The following CLASP2 variants were observed in gnomAD, a reference collection of about 807,000 sequenced individuals.
The protein encoded by CLASP2 is CLIP-associating protein 2.
A neutral mutation model predicts 194.4 loss-of-function variants in CLASP2; 47 were observed. The ratio of observed to expected loss-of-function variants is 0.24; its 90% CI spans 0.19 to 0.31. The LOEUF is 0.31. Ranked by LOEUF, CLASP2 falls within the 10% of genes least tolerant of loss-of-function variation. The probability of loss-of-function intolerance (pLI) is 1.00; values close to 1 mark genes in which losing one functional copy is unlikely to be tolerated. For missense variants in CLASP2, 1,445 were observed against 1,823.6 expected, an observed-to-expected ratio of 0.79 and a Z score of 3.78; for synonymous variants, 619 against 633.5, an observed-to-expected ratio of 0.98 and a Z score of 0.34.
Position 33,640,105 on chromosome 3 carries a change from A to C in CLASP2, c.862+4652T>G, listed in dbSNP as rs1313407979. On this transcript the variant is annotated intron_variant, in intron 8 of 38. Coordinates refer to ENST00000682230, the MANE Select transcript of CLASP2 (RefSeq NM_001365631.1). ...AAGGGAAGAAGAGAGGAAGAAACCAAAACCAAAACACAGAAGTGTTACTTG... is the reference window on the plus strand; with the variant it reads ...AAGGGAAGAAGAGAGGAAGAAACCACAACCAAAACACAGAAGTGTTACTTG... Among the ~76,000 whole-genome samples the C allele has an allele frequency of 2.6e-5, 4 of 152,210 alleles. No individual in the cohort carries two copies. In the East Asian group the frequency reaches 7.7e-4, roughly 29 times the overall value.
chr3:33,519,373 G>C (rs190353294), intron 34 of CLASP2, among the ~76,000 whole-genome samples: 48 of 152,218 alleles, frequency 3.2e-4, no homozygotes, highest in African/African-American at 9.9e-4. Flanking sequence ...AATGTGGGCA[G>C]AAACACTGGG....
At chr3:33,521,035 C>A (rs962789962) in intron 34 of CLASP2, among the ~76,000 whole-genome samples, 1 of 151,954 alleles carries the variant, frequency 6.6e-6, no homozygotes, top group African/African-American at 2.4e-5. Flanking sequence ...TACAACAGTA[C>A]CAGAATGCAA....
intron 8 of CLASP2, among the ~76,000 whole-genome samples, chr3:33,633,011 G>C (rs2079388650): frequency 6.6e-6 from 1 of 151,978 alleles, no homozygotes; most frequent in Non-Finnish European, 1.5e-5. Flanking sequence ...TTAAACTCTG[G>C]CAATAGGGGG....
At chr3:33,654,987 G>A (rs924427132) in intron 7 of CLASP2, among the ~76,000 whole-genome samples, 17 of 151,852 alleles carry the variant, frequency 1.1e-4, no homozygotes, top group African/African-American at 3.9e-4. Flanking sequence ...ATGAAGTAAC[G>A]GGACAATCAC....
rs531793791 is a variant in CLASP2 at position 33,616,039 on chromosome 3, G to GA, written c.1317+3563dup. ...AGAAAAATAAAATGAGCTAAAAGTT[G>GA]AAAAAAAAATAGAAACTAAAGAATT... On this transcript the variant is annotated intron_variant, in intron 12 of 38. Transcript: ENST00000682230. Among the ~76,000 whole-genome samples, 22 of 146,634 alleles carry GA rather than the reference G, an allele frequency of 1.5e-4. No individual in the cohort carries two copies. In the South Asian group the frequency reaches 1.7e-3, roughly 11 times the overall value.
chr3:33,553,480 A>G (rs991145311), intron 29 of CLASP2, among the ~76,000 whole-genome samples: 4 of 152,234 alleles, frequency 2.6e-5, no homozygotes, highest in South Asian at 2.1e-4. Context: ...TTCAAAATAT[A>G]TAAGAAACTC....
chr3:33,554,225 C>CAAAA (rs58168943), intron 29 of CLASP2, among the ~76,000 whole-genome samples: 3 of 88,908 alleles, frequency 3.4e-5, no homozygotes, highest in African/African-American at 4.6e-5. Flanking sequence ...GAAACTGTCT[C>CAAAA]AAAAAAAAAA....
chr3:33,688,083 C>A (rs1157754229), intron 4 of CLASP2, among the ~76,000 whole-genome samples, 194 bp downstream of exon 4: 1 of 152,118 alleles, frequency 6.6e-6, no homozygotes, highest in Non-Finnish European at 1.5e-5. Context: ...ACACTTATTA[C>A]TGACATAACT....
intron 7 of CLASP2, among the ~76,000 whole-genome samples, chr3:33,661,526 A>G (rs1282336278): frequency 2.6e-5 from 4 of 152,220 alleles, no homozygotes; most frequent in African/African-American, 9.6e-5. Flanking sequence ...GATCAGTTAG[A>G]ATAGGAAATC....
At chr3:33,534,870 A>G (rs958451009) in intron 34 of CLASP2, among the ~76,000 whole-genome samples, 9 of 152,230 alleles carry the variant, frequency 5.9e-5, no homozygotes, top group African/African-American at 2.2e-4. Context: ...TTAAAGGGCT[A>G]CTATAAAGAA....
At chr3:33,594,279 G>A (rs2069616521) in intron 20 of CLASP2, among the ~76,000 whole-genome samples, 1 of 151,984 alleles carries the variant, frequency 6.6e-6, no homozygotes, top group East Asian at 1.9e-4. Flanking sequence ...AGTCATCCAC[G>A]TAAAACTTAG....
At chr3:33,598,548 T>C (rs2071129058) in intron 18 of CLASP2, among the ~76,000 whole-genome samples, 1 of 152,170 alleles carries the variant, frequency 6.6e-6, no homozygotes, top group South Asian at 2.1e-4. Flanking sequence ...ATCCTTACAC[T>C]TCTAACTTTT....
In CLASP2 at chr3:33,545,761, C is replaced by G. The variant is rs543287818; in HGVS notation, c.3154-920G>C. On this transcript the variant is annotated intron_variant, in intron 30 of 38. Transcript: ENST00000682230. ...CCCGTCTCTACTAAAAATACAAAAA[C>G]TAGCCGGGTGTGGTGGTGTGTGCTT... Among the ~76,000 whole-genome samples, 12 of 151,992 alleles carry G rather than the reference C, an allele frequency of 7.9e-5. No homozygotes were observed. The East Asian group carries it at 2.3e-3, about 29-fold the overall frequency.
intron 19 of CLASP2, 158 bp downstream of exon 19, chr3:33,596,553 T>C: frequency 1.5e-6 from 1 of 684,974 alleles, no homozygotes; most frequent in Non-Finnish European, 2.6e-6. Flanking sequence ...AACCCCAAAT[T>C]CATTCAGAGA....
chr3:33,645,859 G>A (rs2082179450), intron 7 of CLASP2, among the ~76,000 whole-genome samples: 1 of 150,772 alleles, frequency 6.6e-6, no homozygotes, highest in Admixed American at 6.6e-5. Context: ...GATTCTACAA[G>A]GCTCCTTTCG....
chr3:33,529,352 C>T (rs2055515887), intron 34 of CLASP2, among the ~76,000 whole-genome samples: 1 of 152,108 alleles, frequency 6.6e-6, no homozygotes. Flanking sequence ...CAAAAAAGAG[C>T]CCAAATAGCA....
intron 38 of CLASP2, among the ~76,000 whole-genome samples, 166 bp from the exon 39 acceptor site, chr3:33,498,883 T>A (rs939719974): frequency 5.9e-5 from 9 of 152,164 alleles, no homozygotes; most frequent in African/African-American, 1.7e-4. Context: ...ACAAATTATT[T>A]TTTTTTTGCC....
rs577904556 is a variant in CLASP2 at position 33,601,229 on chromosome 3, G to A, written c.1924+1723C>T. On this transcript the variant is annotated intron_variant, in intron 18 of 38. Coordinates refer to ENST00000682230, the MANE Select transcript of CLASP2 (RefSeq NM_001365631.1). Reference sequence around the variant, plus strand: ...CCTGTCTCGGCCTCCCAAAGTGCTGGGATTACAGGTGTGAGCCACCGTGCC... The same window carrying A: ...CCTGTCTCGGCCTCCCAAAGTGCTGAGATTACAGGTGTGAGCCACCGTGCC... Among the ~76,000 whole-genome samples the A allele has an allele frequency of 1.1e-3, 170 of 152,160 alleles. 2 individuals carry two copies. In the Middle Eastern group the frequency reaches 0.037, roughly 33 times the overall value.
In CLASP2 at chr3:33,625,329, A is replaced by G. The variant is rs184250698; in HGVS notation, c.1035+1659T>C. Among the ~76,000 whole-genome samples, 4 of 152,108 alleles carry G rather than the reference A, an allele frequency of 2.6e-5. No homozygotes were observed. The East Asian group carries it at 5.8e-4, about 22-fold the overall frequency. Reference sequence around the variant, plus strand: ...GTTGTGCACATGTACCCTAGAACTTAAAGTATAAAAACAAACAAAGATCAG... The same window carrying G: ...GTTGTGCACATGTACCCTAGAACTTGAAGTATAAAAACAAACAAAGATCAG... On this transcript the variant is annotated intron_variant, in intron 10 of 38. Coordinates refer to ENST00000682230, the MANE Select transcript of CLASP2 (RefSeq NM_001365631.1).
Sources: allele counts gnomAD v4.1 joint callset (sites outside exome capture counted in the v4.1 genomes callset), GRCh38; gene constraint gnomAD v4.1.1; transcripts MANE v1.5; gene names NCBI Gene and HGNC (gene_info 2026-07-23, HGNC 2026-07-21).